The following ANAPC5 variants were observed in gnomAD, a reference collection of about 807,000 sequenced individuals.
The protein encoded by ANAPC5 is anaphase-promoting complex subunit 5.
In ANAPC5, 60 loss-of-function variants were observed where a neutral mutation model predicts 91.3. The ratio of observed to expected loss-of-function variants is 0.66; its 90% CI spans 0.53 to 0.81. The LOEUF (loss-of-function observed/expected upper bound fraction) is 0.81, where lower values mean the gene tolerates loss of function less well. Among genes scored for constraint, ANAPC5 ranks in the 40% least tolerant of loss-of-function variants. The pLI, the probability that ANAPC5 is intolerant of heterozygous loss-of-function variation, is 0.00. For missense variants in ANAPC5, 690 were observed against 931.5 expected, an observed-to-expected ratio of 0.74 and a Z score of 3.37; for synonymous variants, 340 against 364.1, an observed-to-expected ratio of 0.93 and a Z score of 0.75.
At chr12:121,312,095 AAG>A (rs1902186621) in intron 15 of ANAPC5, among the ~76,000 whole-genome samples, 1 of 152,240 alleles carries the variant, frequency 6.6e-6, no homozygotes, top group Admixed American at 6.5e-5. Flanking sequence ...CAATAAATTT[AAG>A]AGGAATGAAA....
intron 1 of ANAPC5, 28 bp downstream of exon 1, chr12:121,352,106 C>G (rs782541033): frequency 6.3e-7 from 1 of 1,578,166 alleles, no homozygotes; most frequent in South Asian, 1.1e-5. Context: ...GTTTGCTGCA[C>G]GAGCAGGAGC....
At chr12:121,350,796 C>A (rs1203739739) in intron 1 of ANAPC5, among the ~76,000 whole-genome samples, 1 of 151,894 alleles carries the variant, frequency 6.6e-6, no homozygotes, top group Admixed American at 6.6e-5. Context: ...TACCAGTAAA[C>A]AAAAACAGGA....
chr12:121,349,914 T>C (rs1903818518), intron 1 of ANAPC5, among the ~76,000 whole-genome samples: 1 of 151,986 alleles, frequency 6.6e-6, no homozygotes, highest in Admixed American at 6.6e-5. Context: ...TTTCACTGTG[T>C]TGGCCAGGCT....
rs1555274095 is a variant in ANAPC5, at chr12:121,341,709, A to C, written c.657+294T>G. 7.2e-5 allele frequency among the ~76,000 whole-genome samples: 11 copies of C among 152,202 alleles called. 1 individual carries two copies. On this transcript the variant is annotated intron_variant, in intron 5 of 16. Coordinates refer to ENST00000261819, the MANE Select transcript of ANAPC5 (RefSeq NM_016237.5). The stretch of plus-strand genomic sequence containing the variant: ...TTTATGTTTGCAAATGTCTATAATA[A>C]AATGTTGAGAGAAGGGTTAAATCAC...
chr12:121,354,002 T>C (rs1903997116), upstream of ANAPC5, among the ~76,000 whole-genome samples: 2 of 147,194 alleles, frequency 1.4e-5, no homozygotes, highest in South Asian at 4.3e-4. Flanking sequence ...TTTTTTTTTT[T>C]TCCCGATACG....
intron 15 of ANAPC5, among the ~76,000 whole-genome samples, chr12:121,311,043 A>T (rs1176102381): frequency 6.6e-6 from 1 of 151,800 alleles, no homozygotes; most frequent in South Asian, 2.1e-4. Context: ...TTTTTTTTAA[A>T]GTATCCACTG....
At chr12:121,318,884 G>A (rs543597520) in intron 13 of ANAPC5, among the ~76,000 whole-genome samples, 2 of 152,256 alleles carry the variant, frequency 1.3e-5, no homozygotes, top group African/African-American at 4.8e-5. Flanking sequence ...GCTGGGCGTA[G>A]TGGTGGGCAC....
chr12:121,322,288 A>C (rs1902650040), intron 11 of ANAPC5, among the ~76,000 whole-genome samples: 1 of 151,378 alleles, frequency 6.6e-6, no homozygotes, highest in East Asian at 1.9e-4. Context: ...CCTCCCAAGT[A>C]GCTGGGATTA....
intron 5 of ANAPC5, among the ~76,000 whole-genome samples, chr12:121,339,532 G>A (rs1321913658): frequency 1.3e-5 from 2 of 152,004 alleles, no homozygotes; most frequent in African/African-American, 2.4e-5. Flanking sequence ...GTACAGTGGC[G>A]AAATCTTGGC....
Position 121,330,625 on chromosome 12 carries a change from C to CAGA in ANAPC5, c.1077_1079dup (p.Leu361dup). ...CTGCCTTCTTCACAGAATGCTCCAGCAGAACATAGCTATCGGATCTCTTCT... is the reference window on the plus strand; with the variant it reads ...CTGCCTTCTTCACAGAATGCTCCAGCAGAAGAACATAGCTATCGGATCTCTTCT... On this transcript the variant is annotated inframe_insertion, in exon 9 of 17. Coordinates refer to ENST00000261819, the MANE Select transcript of ANAPC5 (RefSeq NM_016237.5). The CAGA allele has an allele frequency of 6.2e-7, 1 of 1,614,100 alleles. No individual in the cohort carries two copies. Among genetic ancestry groups the CAGA allele is most frequent in the Non-Finnish European group, 8.5e-7 (1 of 1,179,990 alleles).
At chr12:121,349,576 A>T (rs115738542) in intron 1 of ANAPC5, among the ~76,000 whole-genome samples, 3,072 of 149,752 alleles carry the variant, frequency 0.021, 50 homozygotes, top group African/African-American at 0.044. Flanking sequence ...TAAAAAAATT[A>T]AAAAAAAAAT....
intron 4 of ANAPC5, among the ~76,000 whole-genome samples, chr12:121,343,991 T>C (rs956185694): frequency 1.3e-5 from 2 of 152,112 alleles, no homozygotes; most frequent in Non-Finnish European, 1.5e-5. Context: ...CAGATAACAG[T>C]AGTTAGGGAA....
intron 9 of ANAPC5, among the ~76,000 whole-genome samples, chr12:121,329,869 C>G (rs1902972061): frequency 6.6e-6 from 1 of 152,140 alleles, no homozygotes; most frequent in Non-Finnish European, 1.5e-5. Context: ...CCCACCCCGG[C>G]CTCCCAAAGT....
intron 1 of ANAPC5, 103 bp downstream of exon 1, chr12:121,352,031 G>A: frequency 9.7e-7 from 1 of 1,034,874 alleles, no homozygotes; most frequent in Non-Finnish European, 1.4e-6. Context: ...CAGGCAGGGA[G>A]AGTATCTGAT....
chr12:121,342,211 A>G lies in ANAPC5; in HGVS notation c.591-142T>C. The G allele has an allele frequency of 4.7e-6, 3 of 633,302 alleles. No homozygotes were observed. In the South Asian group the frequency reaches 6.1e-5, roughly 13 times the overall value. 39.2% of individuals were successfully genotyped at this position (633,302 alleles called of 1,614,324 possible). On this transcript the variant is annotated intron_variant, in intron 4 of 16. Transcript: ENST00000261819. The surrounding 1 kb of genome is among the most constrained non-coding windows in gnomAD (Gnocchi z 4.1). ...TCAGAACTAGGAAAGAAAAACATAA[A>G]AAGTGATGTTGAGATCAATGCACAG...
chr12:121,343,706 C>A (rs548644563), intron 4 of ANAPC5, among the ~76,000 whole-genome samples: 12 of 152,308 alleles, frequency 7.9e-5, no homozygotes, highest in African/African-American at 2.6e-4. Flanking sequence ...GATAAGCATT[C>A]CCCATTTATA....
At chr12:121,347,979 T>C (rs973766201) in intron 1 of ANAPC5, 98 bp from the exon 2 acceptor site, 1 of 846,576 alleles carries the variant, frequency 1.2e-6, no homozygotes, top group Non-Finnish European at 1.9e-6. Flanking sequence ...TCTGCTTTAA[T>C]AATCACTCCA....
chr12:121,309,165 A>AT (rs979488738), intron 16 of ANAPC5, among the ~76,000 whole-genome samples: 12 of 143,774 alleles, frequency 8.3e-5, no homozygotes, highest in African/African-American at 3.1e-4. Flanking sequence ...AAAAAAAAAA[A>AT]AAAGGCCGGG....
intron 1 of ANAPC5, among the ~76,000 whole-genome samples, chr12:121,348,285 A>G (rs1426379987): frequency 6.6e-6 from 1 of 152,232 alleles, no homozygotes; most frequent in Non-Finnish European, 1.5e-5. Context: ...CTATACAAAT[A>G]CTATTTTTCA....
Sources: allele counts gnomAD v4.1 joint callset (sites outside exome capture counted in the v4.1 genomes callset), GRCh38; gene constraint gnomAD v4.1.1; non-coding constraint Gnocchi (gnomAD v3.1); transcripts MANE v1.5; gene names NCBI Gene and HGNC (gene_info 2026-07-23, HGNC 2026-07-21).